The following FAM135B variants were observed in gnomAD, a reference collection of about 807,000 sequenced individuals.
The protein encoded by FAM135B is family with sequence similarity 135 member B.
In FAM135B, 43 loss-of-function variants were observed where a neutral mutation model predicts 127.7. The ratio of observed to expected loss-of-function variants is 0.34; its 90% CI spans 0.26 to 0.43. FAM135B has a LOEUF of 0.43. Ranked by LOEUF, FAM135B falls within the 20% of genes least tolerant of loss-of-function variation. The probability of loss-of-function intolerance (pLI) is 1.00; values close to 1 mark genes in which losing one functional copy is unlikely to be tolerated. For synonymous variants in FAM135B, 670 were observed against 665.1 expected, an observed-to-expected ratio of 1.01 and a Z score of -0.11; for missense variants, 1,558 against 1,725.6, an observed-to-expected ratio of 0.90 and a Z score of 1.72.
At chr8:138,155,088 G>A (rs1208375350) in intron 12 of FAM135B, among the ~76,000 whole-genome samples, 1 of 152,244 alleles carries the variant, frequency 6.6e-6, no homozygotes, top group African/African-American at 2.4e-5. Flanking sequence ...CAGACTAACA[G>A]TGGATCTCTC....
At chr8:138,435,959 G>T (rs1835431778) in intron 1 of FAM135B, among the ~76,000 whole-genome samples, 1 of 152,140 alleles carries the variant, frequency 6.6e-6, no homozygotes, top group Non-Finnish European at 1.5e-5. Flanking sequence ...TTGTCTTTTT[G>T]ATCAGGGCTA....
chr8:138,142,558 C>T (rs1307611674), intron 16 of FAM135B, among the ~76,000 whole-genome samples: 1 of 152,016 alleles, frequency 6.6e-6, no homozygotes, highest in Non-Finnish European at 1.5e-5. Flanking sequence ...CCCGCCTCAG[C>T]CTCCCAAAGT....
chr8:138,349,774 T>A (rs1312722706), intron 2 of FAM135B, among the ~76,000 whole-genome samples: 1 of 152,070 alleles, frequency 6.6e-6, no homozygotes, highest in Admixed American at 6.5e-5. Flanking sequence ...CAGGCTGAGA[T>A]GAGCAAAGCA....
intron 4 of FAM135B, among the ~76,000 whole-genome samples, chr8:138,261,695 T>C (rs1298959140): frequency 1.3e-5 from 2 of 152,246 alleles, no homozygotes; most frequent in South Asian, 2.1e-4. Context: ...CATCTCCTCG[T>C]ACACCTTAAC....
chr8:138,348,212 G>A (rs140095722), intron 2 of FAM135B, among the ~76,000 whole-genome samples: 4,873 of 124,834 alleles, frequency 0.039, 237 homozygotes, highest in African/African-American at 0.13. Context: ...TCGGCTCACC[G>A]CAACCTCCAC....
At chr8:138,196,529 C>T (rs1000203020) in intron 8 of FAM135B, among the ~76,000 whole-genome samples, 1 of 152,152 alleles carries the variant, frequency 6.6e-6, no homozygotes, top group African/African-American at 2.4e-5. Flanking sequence ...GGAAGCAAAA[C>T]ATGCAAATAA....
intron 4 of FAM135B, 75 bp from the exon 5 acceptor site, chr8:138,256,834 C>T (rs2130547922): frequency 9.1e-7 from 1 of 1,094,720 alleles, no homozygotes; most frequent in South Asian, 1.3e-5. Context: ...TGGTCTACTT[C>T]CCAAAGTAGA....
intron 1 of FAM135B, among the ~76,000 whole-genome samples, chr8:138,392,729 G>A (rs540523448): frequency 8.5e-5 from 13 of 152,192 alleles, no homozygotes; most frequent in African/African-American, 1.7e-4. Flanking sequence ...CAACTGTGCC[G>A]GGGGCATGGA....
chr8:138,334,955 A>C (rs1212737602), intron 2 of FAM135B, among the ~76,000 whole-genome samples: 2 of 152,200 alleles, frequency 1.3e-5, no homozygotes, highest in East Asian at 3.8e-4. Context: ...TTTTTGTTTA[A>C]AATGCTGACA....
chr8:138,159,229 G>T (rs1311937594), intron 12 of FAM135B, among the ~76,000 whole-genome samples: 1 of 129,644 alleles, frequency 7.7e-6, no homozygotes, highest in African/African-American at 2.9e-5. Flanking sequence ...CCGAGATTGC[G>T]CCACTGCAGT....
intron 3 of FAM135B, among the ~76,000 whole-genome samples, chr8:138,307,029 C>G (rs1826314188): frequency 6.6e-6 from 1 of 152,170 alleles, no homozygotes; most frequent in African/African-American, 2.4e-5. Flanking sequence ...CCCATCTTAC[C>G]TTCACACTGA....
chr8:138,143,475 G>A (rs1817390913), intron 15 of FAM135B, among the ~76,000 whole-genome samples: 1 of 152,142 alleles, frequency 6.6e-6, no homozygotes. Flanking sequence ...CACCTCACAT[G>A]ACCCAGCGTT....
At chr8:138,400,244 G>C (rs535023364) in intron 1 of FAM135B, among the ~76,000 whole-genome samples, 19 of 152,260 alleles carry the variant, frequency 1.2e-4, no homozygotes, top group African/African-American at 4.3e-4. Flanking sequence ...CTGCTTGGAG[G>C]GGGCAGGAGA....
chr8:138,463,626 G>A (rs534477661), intron 1 of FAM135B, among the ~76,000 whole-genome samples: 41 of 152,218 alleles, frequency 2.7e-4, no homozygotes, highest in East Asian at 2.1e-3. Context: ...AAATACCAAA[G>A]GTCCTGTAAC....
chr8:138,350,722 G>A (rs1401203856), intron 2 of FAM135B, among the ~76,000 whole-genome samples: 2 of 152,122 alleles, frequency 1.3e-5, no homozygotes, highest in African/African-American at 2.4e-5. Flanking sequence ...ATCTATTGAA[G>A]GCAAAGCTTC....
At chr8:138,492,071 AT>A (rs959698974) in intron 1 of FAM135B, among the ~76,000 whole-genome samples, 6 of 152,186 alleles carry the variant, frequency 3.9e-5, no homozygotes. Flanking sequence ...AAAGAGTTTA[AT>A]CTGATTTTAG....
At chr8:138,367,501 T>A (rs570271074) in intron 2 of FAM135B, 1 of 456,162 alleles carries the variant, frequency 2.2e-6, no homozygotes, top group African/African-American at 2.0e-5. Context: ...TAGGCACAAG[T>A]GTTACAATAC....
intron 7 of FAM135B, among the ~76,000 whole-genome samples, chr8:138,206,856 T>TCATTCCCTCCACCTACACACAACTCCAA (rs1817722364): frequency 6.9e-6 from 1 of 145,110 alleles, no homozygotes; most frequent in Non-Finnish European, 1.5e-5. Context: ...CACAGCTCTA[T>TCATTCCCTCCACCTACACACAACTCCAA]CATCCCCTCC....
At chr8:138,310,351 T>C (rs755997974) in intron 3 of FAM135B, among the ~76,000 whole-genome samples, 3 of 152,226 alleles carry the variant, frequency 2.0e-5, no homozygotes, top group Non-Finnish European at 4.4e-5. Flanking sequence ...ACCCACTTTG[T>C]ACTCCAGCCT....
Sources: gnomAD v4.1 joint callset for allele counts (sites outside exome capture counted in the v4.1 genomes callset) on GRCh38, gnomAD v4.1.1 for gene constraint, MANE v1.5 for transcripts, NCBI Gene and HGNC (gene_info 2026-07-23, HGNC 2026-07-21) for gene names.